The following MBOAT2 variants were observed in gnomAD, a reference collection of about 807,000 sequenced individuals.
MBOAT2 encodes the protein membrane bound glycerophospholipid O-acyltransferase 2.
Under a neutral mutation model 63.4 loss-of-function variants are expected in MBOAT2, and 28 were observed. That is an observed-to-expected ratio of 0.44 (90% CI 0.33 to 0.61). MBOAT2 has a LOEUF of 0.61. MBOAT2 is among the 20% of genes least tolerant of loss of function. The pLI is 0.03. For missense variants in MBOAT2, 470 were observed against 605.8 expected (o/e 0.78, Z 2.35); for synonymous variants, 211 against 215.6 (o/e 0.98, Z 0.19).
intron 1 of MBOAT2, among the ~76,000 whole-genome samples, chr2:8,959,776 C>G (rs1669486210): frequency 6.6e-6 from 1 of 152,166 alleles, no homozygotes; most frequent in Non-Finnish European, 1.5e-5. Context: ...ATCTCCATTT[C>G]TCCCTTATGA....
intron 1 of MBOAT2, among the ~76,000 whole-genome samples, chr2:8,998,632 A>G (rs1030950895): frequency 1.3e-5 from 2 of 151,844 alleles, no homozygotes; most frequent in Non-Finnish European, 2.9e-5. Context: ...TTGGGAATAT[A>G]TAGAAAAGAT....
At chr2:8,919,848 G>A (rs1325100093) in intron 3 of MBOAT2, among the ~76,000 whole-genome samples, 1 of 152,000 alleles carries the variant, frequency 6.6e-6, no homozygotes, top group Non-Finnish European at 1.5e-5. Flanking sequence ...TTGGACTCCT[G>A]GGTTCAAGTG....
chr2:8,860,087 C>T (rs1661388677), intron 12 of MBOAT2, among the ~76,000 whole-genome samples: 1 of 151,752 alleles, frequency 6.6e-6, no homozygotes, highest in African/African-American at 2.4e-5. Context: ...ACTTGGGAGG[C>T]TGAGGCAGAG....
At chr2:8,998,983 T>C (rs1672501052) in intron 1 of MBOAT2, among the ~76,000 whole-genome samples, 1 of 152,202 alleles carries the variant, frequency 6.6e-6, no homozygotes, top group South Asian at 2.1e-4. Context: ...AGGATTTGAT[T>C]AAATAATATA....
At chr2:8,950,591 C>A (rs922651974) in intron 2 of MBOAT2, among the ~76,000 whole-genome samples, 4 of 152,136 alleles carry the variant, frequency 2.6e-5, no homozygotes, top group African/African-American at 9.7e-5. Flanking sequence ...CCATGCCTGG[C>A]TAATTTTTTG....
chr2:8,967,915 A>T (rs953474335), intron 1 of MBOAT2, among the ~76,000 whole-genome samples: 14 of 152,206 alleles, frequency 9.2e-5, no homozygotes, highest in African/African-American at 3.4e-4. Context: ...ACTTAAAAGC[A>T]ATAGTAGGCA....
chr2:8,936,870 A>C (rs1249130796), intron 3 of MBOAT2, among the ~76,000 whole-genome samples: 1 of 152,200 alleles, frequency 6.6e-6, no homozygotes, highest in Non-Finnish European at 1.5e-5. Context: ...CCAAGTTATA[A>C]AGAAAATTTT....
At chr2:8,872,019 G>C (rs2148522401) in intron 8 of MBOAT2, among the ~76,000 whole-genome samples, 1 of 152,260 alleles carries the variant, frequency 6.6e-6, no homozygotes, top group East Asian at 1.9e-4. Context: ...TCAAAACGTG[G>C]CCAGAATCAT....
intron 2 of MBOAT2, among the ~76,000 whole-genome samples, chr2:8,943,682 T>C (rs1020967441): frequency 1.3e-5 from 2 of 152,188 alleles, no homozygotes; most frequent in Admixed American, 1.3e-4. Flanking sequence ...GTACTCTGCC[T>C]TTACCTTTTT....
chr2:8,899,171 T>G (rs1027020045), intron 4 of MBOAT2, among the ~76,000 whole-genome samples: 3 of 152,202 alleles, frequency 2.0e-5, no homozygotes, highest in Non-Finnish European at 4.4e-5. Context: ...ACTTCAGGGT[T>G]GATTCCCTCT....
At position 8,902,189 on chromosome 2, in the gene MBOAT2, C is replaced by T. The variant is rs1017069810; in HGVS notation, c.395+6432G>A. ...TTCCAGAAAGCCTGACACCCGTGTC[C>T]GTAGTCCAGCGGCCGTGCTAGTCGC... On this transcript the variant is annotated intron_variant, in intron 4 of 12. Transcript: ENST00000305997. Among the ~76,000 whole-genome samples the T allele has an allele frequency of 1.7e-4, 26 of 152,162 alleles. 1 individual carries two copies. Among genetic ancestry groups the T allele is most frequent in the African/African-American group, 4.8e-4 (20 of 41,424 alleles).
intron 3 of MBOAT2, among the ~76,000 whole-genome samples, chr2:8,940,333 A>C (rs1008881274): frequency 2.0e-5 from 3 of 151,868 alleles, no homozygotes; most frequent in Non-Finnish European, 4.4e-5. Flanking sequence ...GCTCTGTTGC[A>C]CAGGCTGGAG....
intron 1 of MBOAT2, among the ~76,000 whole-genome samples, chr2:8,995,613 C>T (rs1285040128): frequency 2.3e-5 from 3 of 128,026 alleles, no homozygotes; most frequent in Admixed American, 8.5e-5. Flanking sequence ...TTTTTTGAGA[C>T]GGAGTCTCGC....
chr2:8,955,605 A>G (rs1434739190), intron 2 of MBOAT2, among the ~76,000 whole-genome samples: 2 of 152,228 alleles, frequency 1.3e-5, no homozygotes, highest in Non-Finnish European at 2.9e-5. Context: ...GAAAGTCTCT[A>G]ATCAGCCATC....
At position 8,998,401 on chromosome 2, in the gene MBOAT2, T is replaced by G. The variant is rs142922128; in HGVS notation, c.75+5139A>C. 9.2e-3 allele frequency among the ~76,000 whole-genome samples: 1,398 copies of G among 152,340 alleles called. 9 individuals are homozygous for G. The highest frequency in any genetic ancestry group is 0.017 in the Middle Eastern group (5 of 294). On this transcript the variant is annotated intron_variant, in intron 1 of 12. Transcript: ENST00000305997. The stretch of plus-strand genomic sequence containing the variant: ...AGTTGAAAATAAATCTTTGATCTGC[T>G]TGTTTTGTTGCCATTCACCTTCTCT...
chr2:8,904,925 A>T (rs1206406237), intron 4 of MBOAT2, among the ~76,000 whole-genome samples: 1 of 152,162 alleles, frequency 6.6e-6, no homozygotes, highest in African/African-American at 2.4e-5. Context: ...AACTTGTATT[A>T]TGTATTATGG....
At chr2:8,982,172 CCCA>C (rs1671242739) in intron 1 of MBOAT2, among the ~76,000 whole-genome samples, 1 of 152,098 alleles carries the variant, frequency 6.6e-6, no homozygotes, top group Non-Finnish European at 1.5e-5. Context: ...TAATGTATGA[CCCA>C]CCATTATTAG....
chr2:8,951,086 T>C (rs534239227), intron 2 of MBOAT2, among the ~76,000 whole-genome samples: 1 of 152,314 alleles, frequency 6.6e-6, no homozygotes, highest in South Asian at 2.1e-4. Flanking sequence ...TGTAGTTTTC[T>C]TTCTTTGTTG....
intron 4 of MBOAT2, among the ~76,000 whole-genome samples, chr2:8,898,156 A>G (rs1413657111): frequency 1.3e-5 from 2 of 152,234 alleles, no homozygotes; most frequent in Non-Finnish European, 2.9e-5. Context: ...CCTCTGTGAC[A>G]TACAAAGAGA....
Sources: allele counts gnomAD v4.1 joint callset (sites outside exome capture counted in the v4.1 genomes callset), GRCh38; gene constraint gnomAD v4.1.1; transcripts MANE v1.5; gene names NCBI Gene and HGNC (gene_info 2026-07-23, HGNC 2026-07-21).